Variants in ANK3 observed in about 807,000 individuals in gnomAD.
ANK3 encodes ankyrin 3, also known as ankyrin-3.
ANK3 carries 57 observed loss-of-function variants against 370.9 expected under a neutral mutation model. That is an observed-to-expected ratio of 0.15 (90% CI 0.12 to 0.19). The LOEUF (loss-of-function observed/expected upper bound fraction) is 0.19. ANK3 is among the 10% of genes least tolerant of loss of function. The pLI is 1.00. For missense variants in ANK3, 4,439 were observed against 5,302.1 expected (o/e 0.84, Z 5.06); for synonymous variants, 1,929 against 1,946.3 (o/e 0.99, Z 0.23).
intron 2 of ANK3, among the ~76,000 whole-genome samples, chr10:60,566,915 G>T (rs1166246226): frequency 6.6e-6 from 1 of 152,166 alleles, no homozygotes; most frequent in African/African-American, 2.4e-5. Context: ...CACAGCATTT[G>T]CAGAGCATGG....
chr10:60,351,586 T>C (rs2056881116), intron 1 of ANK3, among the ~76,000 whole-genome samples: 1 of 152,210 alleles, frequency 6.6e-6, no homozygotes, highest in Non-Finnish European at 1.5e-5. Context: ...CAGCTTCTTT[T>C]ATTAAAACAC....
In ANK3 at chr10:60,299,140, C is replaced by G. The variant is rs573275567; in HGVS notation, c.115-19501G>C. On this transcript the variant is annotated intron_variant, in intron 1 of 43. Transcript: ENST00000280772. ...ATCTCAAAGATTACCCTTAAAAACTCTTTCTCTGAGACACACAGAATGTTT... is the reference window on the plus strand; with the variant it reads ...ATCTCAAAGATTACCCTTAAAAACTGTTTCTCTGAGACACACAGAATGTTT... 1.4e-4 allele frequency among the ~76,000 whole-genome samples: 21 copies of G among 152,262 alleles called. No homozygotes were observed. In the East Asian group the frequency reaches 4.0e-3, roughly 29 times the overall value.
At chr10:60,656,043 C>CA (rs906115379) in intron 1 of ANK3, among the ~76,000 whole-genome samples, 5 of 152,116 alleles carry the variant, frequency 3.3e-5, no homozygotes, top group African/African-American at 1.2e-4. Flanking sequence ...CGCACAATGA[C>CA]AAAATCACCT....
intron 2 of ANK3, among the ~76,000 whole-genome samples, chr10:60,473,434 C>T (rs1208761122): frequency 2.6e-5 from 4 of 152,146 alleles, no homozygotes; most frequent in Non-Finnish European, 1.5e-5. Flanking sequence ...TTAGGAATTA[C>T]ATTCTATATT....
At chr10:60,246,304 A>C (rs1592395438) in intron 7 of ANK3, among the ~76,000 whole-genome samples, 2 of 147,142 alleles carry the variant, frequency 1.4e-5, no homozygotes, top group Non-Finnish European at 3.0e-5. Context: ...AAAGATGATC[A>C]CCATTGTAAG....
At chr10:60,055,084 A>G (rs2078892969) in intron 42 of ANK3, among the ~76,000 whole-genome samples, 1 of 152,206 alleles carries the variant, frequency 6.6e-6, no homozygotes, top group Non-Finnish European at 1.5e-5. Flanking sequence ...ACTTATATAA[A>G]TTATAAAAAT....
intron 1 of ANK3, among the ~76,000 whole-genome samples, chr10:60,686,195 CA>C (rs2079265913): frequency 6.6e-6 from 1 of 151,828 alleles, no homozygotes; most frequent in Non-Finnish European, 1.5e-5. Flanking sequence ...AGGTAAAATA[CA>C]AAGAGCCTTA....
chr10:60,670,308 C>A (rs2079050116), intron 1 of ANK3, among the ~76,000 whole-genome samples: 1 of 152,120 alleles, frequency 6.6e-6, no homozygotes, highest in Admixed American at 6.6e-5. Flanking sequence ...CCCTCCCCTG[C>A]TAGTCTTCCT....
At chr10:60,591,233 C>A (rs559281031) in intron 2 of ANK3, among the ~76,000 whole-genome samples, 1 of 152,170 alleles carries the variant, frequency 6.6e-6, no homozygotes, top group Non-Finnish European at 1.5e-5. Flanking sequence ...TAATTCCAAG[C>A]CTTCTTCTCC....
At chr10:60,496,795 G>T (rs192492301) in intron 2 of ANK3, among the ~76,000 whole-genome samples, 1 of 151,496 alleles carries the variant, frequency 6.6e-6, no homozygotes, top group Non-Finnish European at 1.5e-5. Flanking sequence ...GCATGGTAAG[G>T]TTGAACTGCT....
chr10:60,178,893 C>G (rs936708990), intron 18 of ANK3, among the ~76,000 whole-genome samples: 1 of 150,460 alleles, frequency 6.6e-6, no homozygotes, highest in Non-Finnish European at 1.5e-5. Context: ...AGCTTAAACT[C>G]ATTTGGTGAA....
At chr10:60,307,960 CTGA>C (rs1374332003) in intron 1 of ANK3, among the ~76,000 whole-genome samples, 1 of 152,196 alleles carries the variant, frequency 6.6e-6, no homozygotes, top group Non-Finnish European at 1.5e-5. Flanking sequence ...ATTTATATCA[CTGA>C]TGTGACTCCT....
At chr10:60,608,274 A>AT (rs1402886871) in intron 2 of ANK3, among the ~76,000 whole-genome samples, 1 of 152,196 alleles carries the variant, frequency 6.6e-6, no homozygotes, top group Non-Finnish European at 1.5e-5. Context: ...AAGTAATTAA[A>AT]TATCAGCAGA....
At chr10:60,623,386 C>T (rs895187674) in intron 1 of ANK3, among the ~76,000 whole-genome samples, 3 of 152,032 alleles carry the variant, frequency 2.0e-5, no homozygotes, top group African/African-American at 7.2e-5. Context: ...CACTATCATA[C>T]GCATGATACC....
At chr10:60,216,328 T>C (rs7906066) in intron 8 of ANK3, among the ~76,000 whole-genome samples, 7,557 of 152,252 alleles carry the variant, frequency 0.05, 420 homozygotes, top group African/African-American at 0.14. Context: ...AGACAGGGCA[T>C]CCTTGTTTGT....
intron 1 of ANK3, among the ~76,000 whole-genome samples, chr10:60,326,581 C>T (rs78776747): frequency 0.088 from 13,424 of 152,100 alleles, 816 homozygotes; most frequent in South Asian, 0.15. Flanking sequence ...GTCATAGTCT[C>T]CCTGGAAGAC....
chr10:60,392,074 T>C (rs2063123042), upstream of ANK3, among the ~76,000 whole-genome samples: 1 of 152,188 alleles, frequency 6.6e-6, no homozygotes, highest in African/African-American at 2.4e-5. Flanking sequence ...GTTTTGACTG[T>C]GATATTACTA....
intron 1 of ANK3, among the ~76,000 whole-genome samples, chr10:60,673,700 A>G (rs1051652582): frequency 6.6e-6 from 1 of 152,190 alleles, no homozygotes; most frequent in Non-Finnish European, 1.5e-5. Context: ...CGGTAAAAAT[A>G]AAGATTTTCA....
intron 2 of ANK3, among the ~76,000 whole-genome samples, chr10:60,528,745 T>C (rs1449875793): frequency 6.6e-6 from 1 of 152,070 alleles, no homozygotes; most frequent in African/African-American, 2.4e-5. Context: ...TAGATGTCTG[T>C]AGCACCACTC....
Sources: allele counts gnomAD v4.1 joint callset (sites outside exome capture counted in the v4.1 genomes callset), GRCh38; gene constraint gnomAD v4.1.1; transcripts MANE v1.5; gene names NCBI Gene and HGNC (gene_info 2026-07-23, HGNC 2026-07-21).